The following GRM7 variants were observed in gnomAD, a reference collection of about 807,000 sequenced individuals.
GRM7 encodes glutamate metabotropic receptor 7, also known as metabotropic glutamate receptor 7.
Under a neutral mutation model 84.5 loss-of-function variants are expected in GRM7, and 35 were observed. The ratio of observed to expected loss-of-function variants is 0.41; its 90% CI spans 0.32 to 0.55. The LOEUF is 0.55. GRM7 is among the 20% of genes least tolerant of loss of function. The pLI is 0.19. For synonymous variants in GRM7, 487 were observed against 455.1 expected, an observed-to-expected ratio of 1.07 and a Z score of -0.89; for missense variants, 1,003 against 1,194.6, an observed-to-expected ratio of 0.84 and a Z score of 2.36.
chr3:7,429,195 G>GTT (rs59834157), intron 5 of GRM7, among the ~76,000 whole-genome samples: 154 of 150,700 alleles, frequency 1.0e-3, no homozygotes, highest in African/African-American at 3.6e-3. Context: ...ATAGAGTTTT[G>GTT]TTTTTTTTTG....
In GRM7 at chr3:7,208,846, A is replaced by G. The variant is rs530351243; in HGVS notation, c.736+62178A>G. Among the ~76,000 whole-genome samples, 13 of 152,304 alleles carry G rather than the reference A, an allele frequency of 8.5e-5. No homozygotes were observed. In the East Asian group the frequency reaches 2.5e-3, roughly 29 times the overall value. ...TATGATCCTGGATAGAATTTTCCCA[A>G]GAGGGTATAATAGATAAGCAATCAC... On this transcript the variant is annotated intron_variant, in intron 2 of 9. Coordinates refer to ENST00000357716, the MANE Select transcript of GRM7 (RefSeq NM_000844.4).
chr3:7,220,343 A>G (rs1163313266), intron 2 of GRM7, among the ~76,000 whole-genome samples: 2 of 152,202 alleles, frequency 1.3e-5, no homozygotes, highest in African/African-American at 2.4e-5. Context: ...TTCCCTTGAC[A>G]CGTTGTAATG....
chr3:7,189,797 T>C (rs1439066925), intron 2 of GRM7, among the ~76,000 whole-genome samples: 1 of 152,100 alleles, frequency 6.6e-6, no homozygotes. Flanking sequence ...TGGTAACAAA[T>C]CATCTTGCAA....
chr3:7,164,653 G>A (rs896509589), intron 2 of GRM7, among the ~76,000 whole-genome samples: 2 of 152,136 alleles, frequency 1.3e-5, no homozygotes, highest in South Asian at 2.1e-4. Flanking sequence ...ATATTTTCTG[G>A]TTGTAAGTAA....
chr3:7,053,428 T>A (rs1252516525), intron 1 of GRM7, among the ~76,000 whole-genome samples: 1 of 151,686 alleles, frequency 6.6e-6, no homozygotes, highest in Non-Finnish European at 1.5e-5. Flanking sequence ...TTTCTGTCTT[T>A]TATTCTTTTG....
chr3:7,130,991 A>T (rs1024255522), intron 1 of GRM7, among the ~76,000 whole-genome samples: 3 of 152,170 alleles, frequency 2.0e-5, no homozygotes, highest in African/African-American at 7.2e-5. Context: ...TTATATCAGG[A>T]TTTATTAGTC....
intron 2 of GRM7, among the ~76,000 whole-genome samples, chr3:7,159,120 T>C (rs1694543820): frequency 6.6e-6 from 1 of 152,180 alleles, no homozygotes; most frequent in South Asian, 2.1e-4. Context: ...AGATTAGTTA[T>C]GTGTGTGTGA....
chr3:7,110,522 G>A (rs1014735873), intron 1 of GRM7, among the ~76,000 whole-genome samples: 1 of 151,854 alleles, frequency 6.6e-6, no homozygotes, highest in East Asian at 1.9e-4. Context: ...TTGAACCTGG[G>A]AGGTGGAGAT....
At chr3:7,362,175 G>A (rs1223757552) in intron 4 of GRM7, among the ~76,000 whole-genome samples, 1 of 151,984 alleles carries the variant, frequency 6.6e-6, no homozygotes, top group African/African-American at 2.4e-5. Context: ...CATTTTTTTA[G>A]TCATTTGTAA....
chr3:7,115,734 G>A (rs1290176579), intron 1 of GRM7, among the ~76,000 whole-genome samples: 1 of 152,098 alleles, frequency 6.6e-6, no homozygotes, highest in African/African-American at 2.4e-5. Flanking sequence ...GGGCCTAGAA[G>A]GGAAGGCGAC....
chr3:7,026,592 A>T (rs1695990300), intron 1 of GRM7, among the ~76,000 whole-genome samples: 1 of 152,330 alleles, frequency 6.6e-6, no homozygotes, highest in East Asian at 1.9e-4. Flanking sequence ...AAAGAAAAAC[A>T]TCTTCCTGGC....
intron 2 of GRM7, among the ~76,000 whole-genome samples, chr3:7,213,807 A>G (rs1465796529): frequency 6.6e-6 from 1 of 152,134 alleles, no homozygotes; most frequent in East Asian, 1.9e-4. Context: ...GGGCAATTCT[A>G]GGAGAAAAAC....
In GRM7 at chr3:7,410,598, TACACACACAC is replaced by T. The variant is rs35513247; in HGVS notation, c.1034-4407_1034-4398del. Among the ~76,000 whole-genome samples the T allele has an allele frequency of 1.9e-3, 273 of 142,690 alleles. 1 individual carries two copies. The highest frequency in any genetic ancestry group is 6.5e-3 in the African/African-American group (241 of 37,346). The allele number at this position is 142,690 out of a possible 152,430, so 93.6% of individuals were successfully genotyped here. A position where few individuals can be genotyped will look rare whatever the true frequency, so the allele number is the denominator to read the frequency against. On this transcript the variant is annotated intron_variant, in intron 4 of 9. Transcript: ENST00000357716. ...AAAAAACAAAATATATATATATATATACACACACACACACACACACACACACAAATACACA... is the reference window on the plus strand; with the variant it reads ...AAAAAACAAAATATATATATATATATACACACACACACACACAAATACACA...
At chr3:7,405,664 A>G (rs554562071) in intron 4 of GRM7, among the ~76,000 whole-genome samples, 3 of 152,284 alleles carry the variant, frequency 2.0e-5, no homozygotes, top group Admixed American at 1.3e-4. Flanking sequence ...ACAAAATTTT[A>G]CTATTTGCAA....
intron 8 of GRM7, among the ~76,000 whole-genome samples, chr3:7,670,676 AT>A (rs1225186647): frequency 8.3e-3 from 1 of 120 alleles, no homozygotes; most frequent in Admixed American, 0.1. Flanking sequence ...GCATTGTACT[AT>A]ACAATGGATA....
intron 4 of GRM7, among the ~76,000 whole-genome samples, chr3:7,388,174 T>C (rs1314696465): frequency 6.6e-6 from 1 of 152,254 alleles, no homozygotes; most frequent in Non-Finnish European, 1.5e-5. Flanking sequence ...ATTTATCAGG[T>C]CTAAGAGCCT....
chr3:7,475,109 A>G (rs536113667), intron 7 of GRM7, among the ~76,000 whole-genome samples: 105 of 152,290 alleles, frequency 6.9e-4, no homozygotes, highest in African/African-American at 2.5e-3. Context: ...TGACAATGAG[A>G]AAGAAGTAAC....
intron 2 of GRM7, among the ~76,000 whole-genome samples, chr3:7,294,103 G>A (rs1005406231): frequency 6.6e-5 from 10 of 152,096 alleles, no homozygotes; most frequent in Admixed American, 1.3e-4. Flanking sequence ...GCAATTCCCC[G>A]TAAGAGGGGA....
At chr3:7,637,947 G>T (rs1415771181) in intron 8 of GRM7, among the ~76,000 whole-genome samples, 2 of 152,166 alleles carry the variant, frequency 1.3e-5, no homozygotes, top group Non-Finnish European at 2.9e-5. Context: ...AGCTGTGTTT[G>T]CCCACAACAG....
Sources: allele counts gnomAD v4.1 joint callset (sites outside exome capture counted in the v4.1 genomes callset), GRCh38; gene constraint gnomAD v4.1.1; transcripts MANE v1.5; gene names NCBI Gene and HGNC (gene_info 2026-07-23, HGNC 2026-07-21).